RBFOX3: variants seen among roughly 807,000 people sequenced by gnomAD.
RBFOX3 encodes the protein RNA binding fox-1 homolog 3.
Under a neutral mutation model 48.7 loss-of-function variants are expected in RBFOX3, and 17 were observed. The observed-to-expected ratio is 0.35, with a 90% CI of 0.24 to 0.52. The LOEUF is 0.52. Among genes scored for constraint, RBFOX3 ranks in the 20% least tolerant of loss-of-function variants. The pLI, the probability that RBFOX3 is intolerant of heterozygous loss-of-function variation, is 0.94. For missense variants in RBFOX3, 382 were observed against 497.5 expected (o/e 0.77, Z 2.21); for synonymous variants, 212 against 209.5 (o/e 1.01, Z -0.10).
At chr17:79,543,305 G>A (rs1599100023) in intron 1 of RBFOX3, among the ~76,000 whole-genome samples, 5 of 152,264 alleles carry the variant, frequency 3.3e-5, no homozygotes, top group East Asian at 1.9e-4. Context: ...AGAGCTCTGC[G>A]AGGCCAATGC....
At chr17:79,591,045 G>C (rs994987074) in intron 1 of RBFOX3, among the ~76,000 whole-genome samples, 1 of 152,210 alleles carries the variant, frequency 6.6e-6, no homozygotes, top group Non-Finnish European at 1.5e-5. Flanking sequence ...GTGTCTGCCG[G>C]GGACCCTGGG....
the RBFOX3 span, among the ~76,000 whole-genome samples, chr17:79,658,669 TC>T: frequency 6.6e-6 from 1 of 151,618 alleles, no homozygotes; most frequent in South Asian, 2.1e-4. Flanking sequence ...CACTGCCTCC[TC>T]CCCTGAGGCC....
intron 2 of RBFOX3, among the ~76,000 whole-genome samples, chr17:79,401,233 G>A (rs2062764031): frequency 6.6e-6 from 1 of 152,240 alleles, no homozygotes; most frequent in Non-Finnish European, 1.5e-5. Context: ...TCCACTCACA[G>A]CCAGCTTCTC....
chr17:79,638,404 G>T, the RBFOX3 span, among the ~76,000 whole-genome samples: 1 of 151,008 alleles, frequency 6.6e-6, no homozygotes, highest in Non-Finnish European at 1.5e-5. Flanking sequence ...TTTAAAAGAG[G>T]TATTAAAATG....
intron 4 of RBFOX3, among the ~76,000 whole-genome samples, chr17:79,152,408 T>C (rs1040583247): frequency 6.6e-6 from 1 of 150,964 alleles, no homozygotes; most frequent in Non-Finnish European, 1.5e-5. Context: ...ATAGGAGCAG[T>C]GCGGGCCGCA....
Position 79,462,579 on chromosome 17 carries a change from A to G in RBFOX3, c.-175+19875T>C, listed in dbSNP as rs146772028. 1.4e-3 allele frequency among the ~76,000 whole-genome samples: 216 copies of G among 152,278 alleles called. 2 individuals are homozygous for G. The East Asian group carries it at 0.027, about 19-fold the overall frequency. On this transcript the variant is annotated intron_variant, in intron 2 of 14. Coordinates refer to ENST00000693108, the MANE Select transcript of RBFOX3 (RefSeq NM_001350451.2). ...CCTGGAGACATTATTGGTTGTTACT[A>G]CTTAGTGGAGGGATTGCTACTGCCT...
intron 1 of RBFOX3, among the ~76,000 whole-genome samples, chr17:79,546,635 C>T (rs2090469737): frequency 6.6e-6 from 1 of 151,920 alleles, no homozygotes; most frequent in Non-Finnish European, 1.5e-5. Flanking sequence ...CCATTCCCAT[C>T]CGCCGGCATT....
intron 1 of RBFOX3, among the ~76,000 whole-genome samples, chr17:79,554,701 G>T (rs2091478095): frequency 1.3e-5 from 2 of 152,172 alleles, no homozygotes; most frequent in Non-Finnish European, 2.9e-5. Context: ...TACATTTGTG[G>T]GAAAAATTAC....
chr17:79,228,511 G>A (rs151310254), intron 4 of RBFOX3, among the ~76,000 whole-genome samples: 306 of 152,260 alleles, frequency 2.0e-3, no homozygotes, highest in Admixed American at 0.017. Context: ...CATCTCAAAT[G>A]TTTAATGTCC....
chr17:79,300,984 G>A (rs1040778609), intron 3 of RBFOX3, among the ~76,000 whole-genome samples: 12 of 152,208 alleles, frequency 7.9e-5, no homozygotes, highest in Middle Eastern at 3.2e-3. Context: ...CCCTGACTCC[G>A]GCCTTGACTT....
At chr17:79,451,788 A>G (rs1190787941) in intron 2 of RBFOX3, among the ~76,000 whole-genome samples, 1 of 152,226 alleles carries the variant, frequency 6.6e-6, no homozygotes, top group Non-Finnish European at 1.5e-5. Context: ...TACCAACATC[A>G]TCAGATCATC....
In RBFOX3 at chr17:79,319,983, C is replaced by CCTGGGCTGCTGGTCCTGT. The variant is rs1568035382; in HGVS notation, c.-174-12177_-174-12160dup. 4.4e-4 allele frequency among the ~76,000 whole-genome samples: 43 copies of CCTGGGCTGCTGGTCCTGT among 98,500 alleles called. No homozygotes were observed. The South Asian group carries it at 7.4e-3, about 17-fold the overall frequency. The allele number at this position is 98,500 out of a possible 152,430, so 64.6% of individuals were successfully genotyped here. ...GGTCTTGTCCGGGCTGCTGGTCTTG[C>CCTGGGCTGCTGGTCCTGT]CTGGGCTGCTGGTCCTGTCTGGGCT... is the stretch of plus-strand genomic sequence containing the variant. On this transcript the variant is annotated intron_variant, in intron 2 of 14. Coordinates refer to ENST00000693108, the MANE Select transcript of RBFOX3 (RefSeq NM_001350451.2).
intron 4 of RBFOX3, among the ~76,000 whole-genome samples, chr17:79,141,187 G>A (rs1179395109): frequency 1.3e-5 from 2 of 152,222 alleles, no homozygotes; most frequent in African/African-American, 4.8e-5. Context: ...TGTGGCTGGG[G>A]ACAGAATTGG....
intron 2 of RBFOX3, among the ~76,000 whole-genome samples, chr17:79,406,798 C>T (rs1042351591): frequency 2.6e-5 from 4 of 152,140 alleles, no homozygotes; most frequent in Admixed American, 6.5e-5. Context: ...AAGGGTGACT[C>T]CCTACAATGC....
chr17:79,566,545 C>T (rs2092461190), intron 1 of RBFOX3, among the ~76,000 whole-genome samples: 1 of 152,208 alleles, frequency 6.6e-6, no homozygotes, highest in Non-Finnish European at 1.5e-5. Flanking sequence ...TAAAGCCAAA[C>T]CGCCAGAACC....
intron 13 of RBFOX3, among the ~76,000 whole-genome samples, chr17:79,095,236 C>A (rs1217966067): frequency 8.1e-6 from 1 of 123,174 alleles, no homozygotes; most frequent in Non-Finnish European, 1.7e-5. Context: ...ACTGTGGGCA[C>A]GGGGCTTGCG....
intron 3 of RBFOX3, among the ~76,000 whole-genome samples, chr17:79,270,408 C>T (rs1445277488): frequency 1.3e-5 from 2 of 152,162 alleles, no homozygotes; most frequent in Admixed American, 6.5e-5. Context: ...TCCTGCACTC[C>T]CCAGCTCAAG....
chr17:79,218,832 C>T (rs2059378491), intron 4 of RBFOX3, among the ~76,000 whole-genome samples: 2 of 152,162 alleles, frequency 1.3e-5, no homozygotes, highest in Admixed American at 1.3e-4. Flanking sequence ...ACATGGAGGC[C>T]GGAGCACCCG....
chr17:79,489,421 A>G (rs933976206), intron 1 of RBFOX3, among the ~76,000 whole-genome samples: 13 of 152,056 alleles, frequency 8.5e-5, no homozygotes, highest in East Asian at 1.9e-4. Context: ...CAGTCCCCCA[A>G]GTAGCTGGGA....
Sources: allele counts gnomAD v4.1 joint callset (sites outside exome capture counted in the v4.1 genomes callset), GRCh38; gene constraint gnomAD v4.1.1; transcripts MANE v1.5; gene names NCBI Gene and HGNC (gene_info 2026-07-23, HGNC 2026-07-21).